Variants in STAG2 observed in about 807,000 individuals in gnomAD.
The protein encoded by STAG2 is cohesin subunit SA-2.
In STAG2, 14 loss-of-function variants were observed where a neutral mutation model predicts 108.1. The observed-to-expected ratio is 0.13, with a 90% confidence interval of 0.09 to 0.20. The LOEUF (loss-of-function observed/expected upper bound fraction) is 0.20, where lower values mean the gene tolerates loss of function less well. Ranked by LOEUF, STAG2 falls within the 10% of genes least tolerant of loss-of-function variation. The pLI is 1.00. For synonymous variants in STAG2, 307 were observed against 302.7 expected (o/e 1.01, Z -0.15); for missense variants, 440 against 940.9 (o/e 0.47, Z 6.96).
rs36097834 is a variant in STAG2 at position 124,061,743 on chromosome X, CTTTTT to C, written c.1535-7_1535-3del. ...GAAGAAATAAGCTAACTCTTTCTGA[CTTTTT>C]TTTTTTTTTTTTTTTTTTTTAGCAC... On this transcript the variant is annotated intron_variant, in intron 16 of 34. Transcript: ENST00000371145. The C allele has an allele frequency of 6.4e-3, 3,007 of 469,920 alleles. 1 individual carries two copies. The highest frequency in any genetic ancestry group is 0.016 in the Middle Eastern group (24 of 1,502). 38.7% of individuals were successfully genotyped at this position (469,920 alleles called of 1,213,427 possible).
chrX:124,037,655 C>T (rs2057558765), intron 6 of STAG2, 32 bp downstream of exon 6: 1 of 956,998 alleles, frequency 1.0e-6, no homozygotes, highest in Middle Eastern at 2.8e-4. Context: ...ATCAGCAGCT[C>T]TCAAATAGTC....
intron 15 of STAG2, 120 bp downstream of exon 15, chrX:124,058,097 C>T (rs1226280628): frequency 3.5e-5 from 11 of 316,708 alleles, no homozygotes; most frequent in Non-Finnish European, 5.9e-5. Context: ...GAATGGAGAG[C>T]CACCCACTCC....
chrX:124,039,656 A>G (rs1312242044), intron 6 of STAG2, among the ~76,000 whole-genome samples: 39 of 76,625 alleles, frequency 5.1e-4, no homozygotes, highest in African/African-American at 1.8e-3. Context: ...TTTTTTTTTT[A>G]ATTTAATTTT....
chrX:123,977,391 T>C (rs199431), intron 1 of STAG2, among the ~76,000 whole-genome samples: 6,317 of 111,923 alleles, frequency 0.056, 452 homozygotes, highest in African/African-American at 0.19. Flanking sequence ...GGCAGCATTA[T>C]GATTCCAGTT....
At chrX:123,992,161 T>C (rs755203086) in intron 1 of STAG2, among the ~76,000 whole-genome samples, 1 of 111,541 alleles carries the variant, frequency 9.0e-6, no homozygotes, top group South Asian at 3.7e-4. Context: ...GAGGGATGAC[T>C]GTATTTGTTT....
chrX:124,008,597 G>C (rs1475659989), intron 1 of STAG2, among the ~76,000 whole-genome samples: 1 of 111,596 alleles, frequency 9.0e-6, no homozygotes, highest in Non-Finnish European at 1.9e-5. Flanking sequence ...TCCTGCCTCA[G>C]TCTCCTAAAG....
intron 1 of STAG2, among the ~76,000 whole-genome samples, chrX:124,001,776 A>G (rs1054624161): frequency 8.9e-6 from 1 of 111,963 alleles, no homozygotes; most frequent in Non-Finnish European, 1.9e-5. Flanking sequence ...TTGTGTAAGT[A>G]CACTCTGTGA....
At chrX:124,052,999 T>A (rs2058088396) in intron 13 of STAG2, among the ~76,000 whole-genome samples, 1 of 110,563 alleles carries the variant, frequency 9.0e-6, no homozygotes, top group Non-Finnish European at 1.9e-5. Flanking sequence ...GTATTTTTAG[T>A]AGAGACGAAG....
chrX:124,095,254 T>C (rs1367880643), intron 33 of STAG2, 118 bp from the exon 34 acceptor site: 4 of 576,511 alleles, frequency 6.9e-6, no homozygotes, highest in African/African-American at 4.6e-5. Context: ...TTTTAAAATA[T>C]TGTGTCAGGT....
At chrX:124,090,458 C>A in intron 30 of STAG2, 117 bp from the exon 31 acceptor site, 1 of 612,517 alleles carries the variant, frequency 1.6e-6, no homozygotes, top group Non-Finnish European at 2.6e-6. Context: ...TTGTGTCCCC[C>A]GTTCCTGTGA....
Position 123,999,927 on chromosome X carries a change from T to A in STAG2, c.-162-21440T>A, listed in dbSNP as rs773754179. On this transcript the variant is annotated intron_variant, in intron 1 of 34. Coordinates refer to ENST00000371145, the MANE Select transcript of STAG2 (RefSeq NM_001042750.2). ...CCCTGCCCGGCCATAGTTTTTTTTT[T>A]TTTTTATTTTTTGTAGCGACAGGGT... Among the ~76,000 whole-genome samples, 491 of 109,047 alleles carry A rather than the reference T, an allele frequency of 4.5e-3. 2 individuals are homozygous for A. Among genetic ancestry groups the A allele is most frequent in the African/African-American group, 0.012 (360 of 29,988 alleles). 94.7% of individuals were successfully genotyped at this position (109,047 alleles called of 115,157 possible).
chrX:124,096,009 TCTC>T (rs2059367787), intron 34 of STAG2, among the ~76,000 whole-genome samples: 1 of 109,962 alleles, frequency 9.1e-6, no homozygotes, highest in Admixed American at 9.8e-5. Context: ...TGTGCCATAT[TCTC>T]CTTGACAGTG....
Position 124,063,042 on chromosome X carries a change from T to C in STAG2, c.1731+48T>C, listed in dbSNP as rs371188394. ...GTGTTACTAAGAAATGAGTTTTTTT[T>C]CCCTAAATGCCTCACAGAATATTAT... On this transcript the variant is annotated intron_variant, in intron 18 of 34. Coordinates refer to ENST00000371145, the MANE Select transcript of STAG2 (RefSeq NM_001042750.2). 6.0e-5 allele frequency: 70 copies of C among 1,166,330 alleles called. 2 individuals are homozygous for C. The Admixed American group carries it at 6.7e-4, about 11-fold the overall frequency.
chrX:124,061,991 G>T, intron 17 of STAG2, 117 bp downstream of exon 17: 1 of 581,077 alleles, frequency 1.7e-6, no homozygotes, highest in Non-Finnish European at 2.6e-6. Flanking sequence ...GACAACCTTT[G>T]CTTATAAATT....
intron 4 of STAG2, among the ~76,000 whole-genome samples, chrX:124,027,473 A>C (rs916788919): frequency 2.7e-5 from 3 of 110,946 alleles, no homozygotes; most frequent in South Asian, 3.8e-4. Flanking sequence ...CCATTAACCT[A>C]TTTTGCCTTT....
At position 123,998,624 on chromosome X, in the gene STAG2, ATCT is replaced by A. The variant is rs1569497565; in HGVS notation, c.-162-22742_-162-22740del. 2.6e-3 allele frequency among the ~76,000 whole-genome samples: 276 copies of A among 107,674 alleles called. 1 individual carries two copies. The highest frequency in any genetic ancestry group is 0.017 in the Admixed American group (162 of 9,795). 93.5% of individuals were successfully genotyped at this position (107,674 alleles called of 115,157 possible). On this transcript the variant is annotated intron_variant, in intron 1 of 34. Transcript: ENST00000371145. ...TATCTATCTATCTATCTATCTATCT[ATCT>A]ATCTATCTAACTAACTGATGGCCTT...
intron 26 of STAG2, among the ~76,000 whole-genome samples, chrX:124,077,139 A>C (rs2058820893): frequency 9.0e-6 from 1 of 111,633 alleles, no homozygotes; most frequent in African/African-American, 3.2e-5. Context: ...GAAATAAAAT[A>C]TGTAATATAT....
chrX:124,047,270 G>A, intron 8 of STAG2, 84 bp from the exon 9 acceptor site: 1 of 854,221 alleles, frequency 1.2e-6, no homozygotes, highest in Admixed American at 3.3e-5. Context: ...GCTCATTTCT[G>A]CTTAATATTT....
Position 124,083,329 on chromosome X carries a change from A to G in STAG2, c.2925-92A>G, listed in dbSNP as rs1212319461. The G allele has an allele frequency of 9.8e-6, 7 of 714,945 alleles. No individual in the cohort carries two copies. In the African/African-American group the frequency reaches 1.3e-4, roughly 14 times the overall value. 58.9% of individuals were successfully genotyped at this position (714,945 alleles called of 1,213,427 possible). ...ATTCCTCAAATTAAAAGCTTGGCAAAGGAAGTAGTGAGTGAAATTTCCTAA... is the reference window on the plus strand; with the variant it reads ...ATTCCTCAAATTAAAAGCTTGGCAAGGGAAGTAGTGAGTGAAATTTCCTAA... On this transcript the variant is annotated intron_variant, in intron 28 of 34. Coordinates refer to ENST00000371145, the MANE Select transcript of STAG2 (RefSeq NM_001042750.2).
Sources: gnomAD v4.1 joint callset for allele counts (sites outside exome capture counted in the v4.1 genomes callset) on GRCh38, gnomAD v4.1.1 for gene constraint, MANE v1.5 for transcripts, NCBI Gene and HGNC (gene_info 2026-07-23, HGNC 2026-07-21) for gene names.